Variants in AP3S1 observed in about 807,000 individuals in gnomAD.
AP3S1 encodes adaptor related protein complex 3 subunit sigma 1.
Under a neutral mutation model 21.3 loss-of-function variants are expected in AP3S1, and 12 were observed. The observed-to-expected ratio is 0.56, with a 90% CI of 0.36 to 0.91. The LOEUF (loss-of-function observed/expected upper bound fraction) is 0.91. Ranked by LOEUF, AP3S1 falls within the 40% of genes least tolerant of loss-of-function variation. The pLI, the probability that AP3S1 is intolerant of heterozygous loss-of-function variation, is 0.01. For synonymous variants in AP3S1, 48 were observed against 78.4 expected, an observed-to-expected ratio of 0.61 and a Z score of 2.05; for missense variants, 116 against 225.0, an observed-to-expected ratio of 0.52 and a Z score of 3.10.
chr5:115,846,301 G>A (rs1400254127), intron 1 of AP3S1, among the ~76,000 whole-genome samples: 2 of 152,186 alleles, frequency 1.3e-5, no homozygotes, highest in Non-Finnish European at 2.9e-5. Flanking sequence ...GAGCCACCAT[G>A]CCTGGCCTGT....
intron 4 of AP3S1, among the ~76,000 whole-genome samples, chr5:115,899,966 A>G (rs1269111135): frequency 6.6e-6 from 1 of 152,172 alleles, no homozygotes; most frequent in Non-Finnish European, 1.5e-5. Flanking sequence ...AGGGAGAGAT[A>G]TATATTAATG....
chr5:115,873,622 CAT>C (rs916249741), intron 3 of AP3S1, among the ~76,000 whole-genome samples: 12 of 152,126 alleles, frequency 7.9e-5, no homozygotes, highest in Admixed American at 5.2e-4. Context: ...ACTGAGCACA[CAT>C]GAGTCAGTCA....
chr5:115,878,549 G>T (rs1561499828), intron 3 of AP3S1, among the ~76,000 whole-genome samples: 1 of 152,090 alleles, frequency 6.6e-6, no homozygotes, highest in Non-Finnish European at 1.5e-5. Context: ...CTGTTCCCTT[G>T]GTGTGTATAC....
At position 115,868,982 on chromosome 5, in the gene AP3S1, G is replaced by GGA. The variant is rs1554066613; in HGVS notation, c.162-1030_162-1029dup. Among the ~76,000 whole-genome samples the GGA allele has an allele frequency of 5.7e-3, 567 of 99,306 alleles. 9 individuals are homozygous for GGA. The highest frequency in any genetic ancestry group is 8.9e-3 in the African/African-American group (242 of 27,284). 65.1% of individuals were successfully genotyped at this position (99,306 alleles called of 152,430 possible). Reference sequence around the variant, plus strand: ...GGGAGGGAGGGAGGGAGGGAGGGAGGGAGAGATGCCATTTTCCCATATTCT... The same window carrying GGA: ...GGGAGGGAGGGAGGGAGGGAGGGAGGGAGAGAGATGCCATTTTCCCATATTCT... On this transcript the variant is annotated intron_variant, in intron 2 of 5. Coordinates refer to ENST00000316788, the MANE Select transcript of AP3S1 (RefSeq NM_001284.4).
chr5:115,905,272 G>C (rs931628996), intron 5 of AP3S1, among the ~76,000 whole-genome samples: 1 of 152,184 alleles, frequency 6.6e-6, no homozygotes, highest in African/African-American at 2.4e-5. Flanking sequence ...ATAAAGAGCA[G>C]TAAAATGCGT....
At position 115,842,098 on chromosome 5, in the gene AP3S1, C is replaced by G. The variant is rs1219715278; in HGVS notation, c.61C>G (p.Gln21Glu). ...GAAGCCGCGGCTCTCCAAGTTCTAC[C>G]AGCCCTACGTGAGTATCCAGCCGCC... The part of the protein sequence containing the change: ...HGKPRLSKFY[Q>E]PYSEDTQQQI... The change falls in exon 1 of 6, where the codon CAG becomes GAG. Residue 21 changes from glutamine to glutamate, a missense_variant. By Grantham distance (29) the Gln-to-Glu change is conservative. Around this residue, in one of 3 missense-constraint regions of AP3S1, gnomAD observed 50 missense variants for 55.5 expected, o/e 0.90. Coordinates refer to ENST00000316788, the MANE Select transcript of AP3S1 (RefSeq NM_001284.4). 8.3e-6 allele frequency: 13 copies of G among 1,563,612 alleles called. No homozygotes were observed. Among genetic ancestry groups the G allele is most frequent in the Admixed American group, 1.9e-5 (1 of 52,888 alleles).
intron 1 of AP3S1, among the ~76,000 whole-genome samples, chr5:115,854,538 A>G (rs1488571934): frequency 6.6e-6 from 1 of 152,142 alleles, no homozygotes; most frequent in Non-Finnish European, 1.5e-5. Flanking sequence ...AGGCCTGCCC[A>G]TGTACACAGA....
intron 3 of AP3S1, among the ~76,000 whole-genome samples, chr5:115,890,002 G>A (rs1750147275): frequency 6.6e-6 from 1 of 152,128 alleles, no homozygotes. Context: ...ATAACATAAG[G>A]TGGTGAAAAG....
chr5:115,842,937 T>A (rs1761739745), intron 1 of AP3S1, among the ~76,000 whole-genome samples: 1 of 151,924 alleles, frequency 6.6e-6, no homozygotes, highest in Admixed American at 6.5e-5. Flanking sequence ...TTTGCCCTCA[T>A]TTATAGTTTT....
chr5:115,881,126 C>T (rs946496819), intron 3 of AP3S1, among the ~76,000 whole-genome samples: 37 of 152,076 alleles, frequency 2.4e-4, no homozygotes, highest in African/African-American at 8.0e-4. Flanking sequence ...GAATACAGCA[C>T]ACTGATGGGT....
intron 1 of AP3S1, among the ~76,000 whole-genome samples, chr5:115,863,345 G>T (rs1440347172): frequency 6.6e-6 from 1 of 151,528 alleles, no homozygotes; most frequent in Non-Finnish European, 1.5e-5. Context: ...TGCAGTGAGC[G>T]AGATCATGCC....
intron 1 of AP3S1, among the ~76,000 whole-genome samples, chr5:115,845,586 C>G (rs1361760290): frequency 6.6e-6 from 1 of 152,074 alleles, no homozygotes; most frequent in African/African-American, 2.4e-5. Context: ...GTAATCTCAG[C>G]ACTTTGGGAG....
At chr5:115,906,584 G>A (rs1751672958) in intron 5 of AP3S1, among the ~76,000 whole-genome samples, 1 of 151,994 alleles carries the variant, frequency 6.6e-6, no homozygotes, top group South Asian at 2.1e-4. Flanking sequence ...CTGGGAGGTT[G>A]ATGGGATTCG....
chr5:115,909,510 A>G (rs1463146160), intron 5 of AP3S1, among the ~76,000 whole-genome samples: 7 of 152,118 alleles, frequency 4.6e-5, no homozygotes. Flanking sequence ...TCATTCTTTT[A>G]TATACTGTAC....
At position 115,859,708 on chromosome 5, in the gene AP3S1, G is replaced by A. The variant is rs116750522; in HGVS notation, c.70-6962G>A. ...GGAAGTAAGGGAACTAGATTTTAGT[G>A]AACAGCTAACAGTTTTCTGTCATAG... On this transcript the variant is annotated intron_variant, in intron 1 of 5. Coordinates refer to ENST00000316788, the MANE Select transcript of AP3S1 (RefSeq NM_001284.4). Among the ~76,000 whole-genome samples the A allele has an allele frequency of 4.7e-3, 712 of 152,288 alleles. 8 individuals are homozygous for A. Among genetic ancestry groups the A allele is most frequent in the African/African-American group, 0.016 (677 of 41,560 alleles).
intron 5 of AP3S1, among the ~76,000 whole-genome samples, chr5:115,910,730 A>G (rs990991677): frequency 1.3e-5 from 2 of 152,126 alleles, no homozygotes; most frequent in East Asian, 1.9e-4. Flanking sequence ...ATATATAAAC[A>G]TTGCTAGCTG....
At chr5:115,857,590 G>T (rs1762888808) in intron 1 of AP3S1, among the ~76,000 whole-genome samples, 1 of 152,218 alleles carries the variant, frequency 6.6e-6, no homozygotes, top group African/African-American at 2.4e-5. Context: ...GTTTCATAAG[G>T]TTTGTTATGA....
chr5:115,912,506 A>G (rs1752183966), intron 5 of AP3S1, among the ~76,000 whole-genome samples: 1 of 152,078 alleles, frequency 6.6e-6, no homozygotes, highest in Non-Finnish European at 1.5e-5. Context: ...ACAAATTACA[A>G]ATGTTCCTAC....
chr5:115,871,260 A>G (rs1748217026), intron 3 of AP3S1, among the ~76,000 whole-genome samples: 1 of 152,222 alleles, frequency 6.6e-6, no homozygotes, highest in East Asian at 1.9e-4. Flanking sequence ...CACAAGATCC[A>G]TCTAAAATTG....
Sources: allele counts gnomAD v4.1 joint callset (sites outside exome capture counted in the v4.1 genomes callset), GRCh38; gene constraint gnomAD v4.1.1; regional missense constraint gnomAD v4.1.1; transcripts MANE v1.5; gene names NCBI Gene and HGNC (gene_info 2026-07-23, HGNC 2026-07-21).